ZNF486: variants seen among roughly 807,000 people sequenced by gnomAD.
ZNF486 encodes KRAB box only protein 2.
A neutral mutation model predicts 12.8 loss-of-function variants in ZNF486; 12 were observed. That is an observed-to-expected ratio of 0.94 (90% CI 0.60 to 1.52). The LOEUF is 1.52. Among genes scored for constraint, ZNF486 ranks in the 40% most tolerant of loss-of-function variants. The pLI is 0.00. For synonymous variants in ZNF486, 231 were observed against 184.9 expected, an observed-to-expected ratio of 1.25 and a Z score of -2.02; for missense variants, 738 against 545.0, an observed-to-expected ratio of 1.35 and a Z score of -3.53.
At chr19:20,184,572 C>G in intron 2 of ZNF486, 90 bp downstream of exon 2, 5 of 1,371,498 alleles carry the variant, frequency 3.6e-6, no homozygotes, top group Non-Finnish European at 4.8e-6. Context: ...TTATCCTTTG[C>G]ATAAAAGAGT....
chr19:20,176,234 C>G (rs553574737), intron 1 of ZNF486: 1 of 192,700 alleles, frequency 5.2e-6, no homozygotes, highest in Non-Finnish European at 1.1e-5. Context: ...GATGGGCGGC[C>G]GGGCAGAGAC....
At chr19:20,173,436 A>G (rs2089671663) in intron 1 of ZNF486, among the ~76,000 whole-genome samples, 1 of 152,114 alleles carries the variant, frequency 6.6e-6, no homozygotes, top group Non-Finnish European at 1.5e-5. Flanking sequence ...TGGATTTTAT[A>G]TAACATCTTT....
rs1451644561 is a variant in ZNF486, at chr19:20,198,493, GTAA to G, written c.*392_*394del. On this transcript the variant is annotated 3_prime_UTR_variant, in exon 4 of 4. Coordinates refer to ENST00000335117, the MANE Select transcript of ZNF486 (RefSeq NM_052852.4). ...CAAGTGTGAAGAATGTGGCAAGCCT[GTAA>G]CAAGTTCTCAATTCTTTTATTTTTA... 1.0e-5 allele frequency: 2 copies of G among 193,778 alleles called. No individual in the cohort carries two copies. Among genetic ancestry groups the G allele is most frequent in the African/African-American group, 4.7e-5 (2 of 42,146 alleles). The allele number at this position is 193,778 out of a possible 1,614,324, so 12.0% of individuals were successfully genotyped here.
rs920100457 is a variant in ZNF486 at position 20,194,873 on chromosome 19, G to A, written c.254-2091G>A. Reference sequence around the variant, plus strand: ...GTGTTTGTTATAAATATATTTGTGTGTATCTAAGTTTGTTCATTCAGCTTT... The same window carrying A: ...GTGTTTGTTATAAATATATTTGTGTATATCTAAGTTTGTTCATTCAGCTTT... On this transcript the variant is annotated intron_variant, in intron 3 of 3. Coordinates refer to ENST00000335117, the MANE Select transcript of ZNF486 (RefSeq NM_052852.4). Among the ~76,000 whole-genome samples the A allele has an allele frequency of 2.6e-5, 4 of 151,958 alleles. No homozygotes were observed. In the East Asian group the frequency reaches 5.8e-4, roughly 22 times the overall value.
chr19:20,186,010 C>G lies in ZNF486; in HGVS notation c.181C>G (p.Leu61Val). 6.3e-7 allele frequency: 1 copy of G among 1,583,990 alleles called. No individual in the cohort carries two copies. The change falls in exon 3 of 4, where the codon CTG becomes GTG. Residue 61 changes from leucine to valine, a missense_variant. Physicochemically the swap from Leu to Val is conservative, Grantham distance 32. Coordinates refer to ENST00000335117, the MANE Select transcript of ZNF486 (RefSeq NM_052852.4). Reference sequence around the variant, plus strand: ...AGGTATTATTGTCTCTAAGCCAGACCTGATCACCTGTCTGGAGCAAGGAAT... The same window carrying G: ...AGGTATTATTGTCTCTAAGCCAGACGTGATCACCTGTCTGGAGCAAGGAAT... ...FLGIIVSKPD[L>V]ITCLEQGIKP...
chr19:20,178,824 GACTCCTGTATCTTCAGACTTGAA>G, intron 1 of ZNF486, among the ~76,000 whole-genome samples: 1 of 152,278 alleles, frequency 6.6e-6, no homozygotes, highest in Non-Finnish European at 1.5e-5. Flanking sequence ...CTCTTTCAAT[GACTCCTGTATCTTCAGACTTGAA>G]ACAGATTCAG....
chr19:20,198,303 A>G lies in ZNF486; in HGVS notation c.*201A>G. 3.7e-6 allele frequency: 2 copies of G among 542,858 alleles called. No homozygotes were observed. Among genetic ancestry groups the G allele is most frequent in the South Asian group, 2.4e-5 (1 of 42,024 alleles). The allele number at this position is 542,858 out of a possible 1,614,324, so 33.6% of individuals were successfully genotyped here. A position where few individuals can be genotyped will look rare whatever the true frequency, so the allele number is the denominator to read the frequency against. Reference sequence around the variant, plus strand: ...TTTTTAGTAGAGATGGGGTTTCTCCATGTTGGTCAGGCTGGTCTCAATCTC... The same window carrying G: ...TTTTTAGTAGAGATGGGGTTTCTCCGTGTTGGTCAGGCTGGTCTCAATCTC... On this transcript the variant is annotated 3_prime_UTR_variant, in exon 4 of 4. Coordinates refer to ENST00000335117, the MANE Select transcript of ZNF486 (RefSeq NM_052852.4).
chr19:20,167,919 T>C (rs1308000416), intron 1 of ZNF486, among the ~76,000 whole-genome samples: 2 of 152,106 alleles, frequency 1.3e-5, no homozygotes, highest in Admixed American at 6.6e-5. Flanking sequence ...CCCTACCCCT[T>C]TTTCTCCCTT....
At chr19:20,196,519 G>T (rs2089959883) in intron 3 of ZNF486, among the ~76,000 whole-genome samples, 1 of 152,066 alleles carries the variant, frequency 6.6e-6, no homozygotes, top group Admixed American at 6.5e-5. Context: ...TAGTAGAGAT[G>T]GGGTTTCACC....
At chr19:20,190,466 C>T (rs1202994198) in intron 3 of ZNF486, among the ~76,000 whole-genome samples, 1 of 152,146 alleles carries the variant, frequency 6.6e-6, no homozygotes, top group African/African-American at 2.4e-5. Flanking sequence ...CTCACTATAG[C>T]CTCAGCCTCC....
chr19:20,180,985 A>T (rs1555715447), intron 1 of ZNF486, among the ~76,000 whole-genome samples: 1 of 152,176 alleles, frequency 6.6e-6, no homozygotes, highest in Admixed American at 6.5e-5. Context: ...GAACTCTGGG[A>T]TTTAAGTTTC....
chr19:20,194,458 G>T (rs1219285912), intron 3 of ZNF486, among the ~76,000 whole-genome samples: 1 of 152,158 alleles, frequency 6.6e-6, no homozygotes, highest in Non-Finnish European at 1.5e-5. Context: ...CGGTTGTGGT[G>T]GCTCACGTCT....
chr19:20,177,881 G>A (rs577438875), intron 1 of ZNF486, among the ~76,000 whole-genome samples: 3 of 149,314 alleles, frequency 2.0e-5, no homozygotes, highest in East Asian at 2.0e-4. Flanking sequence ...CAGCCAAAAC[G>A]TTTTCTTTCT....
intron 3 of ZNF486, among the ~76,000 whole-genome samples, chr19:20,195,915 G>T (rs782105816): frequency 2.8e-4 from 42 of 151,918 alleles, no homozygotes; most frequent in Non-Finnish European, 5.9e-5. Context: ...TTATGTCATG[G>T]GACACATTAT....
At chr19:20,187,749 C>T (rs11880914) in intron 3 of ZNF486, among the ~76,000 whole-genome samples, 1,951 of 152,050 alleles carry the variant, frequency 0.013, 45 homozygotes, top group African/African-American at 0.044. Context: ...GTGATCCATC[C>T]GCCTCGGCCT....
At position 20,184,401 on chromosome 19, in the gene ZNF486, G is replaced by C. The variant is rs1555716024; in HGVS notation, c.76G>C (p.Glu26Gln). The C allele has an allele frequency of 1.9e-6, 3 of 1,613,586 alleles. No homozygotes were observed. ...RDVAVEFSLE[E>Q]WHCLDTAQQN... ...TGTGGCTGTAGAATTCTCTCTGGAG[G>C]AGTGGCATTGCCTGGACACTGCACA... Residue 26 changes from glutamate to glutamine, a missense_variant, in exon 2 of 4, where the codon GAG becomes CAG. Physicochemically the swap from Glu to Gln is conservative, Grantham distance 29 (BLOSUM62 2). Transcript: ENST00000335117.
At chr19:20,195,026 T>C (rs527261931) in intron 3 of ZNF486, among the ~76,000 whole-genome samples, 3 of 152,250 alleles carry the variant, frequency 2.0e-5, no homozygotes, top group East Asian at 1.9e-4. Context: ...ATTTTTTTCT[T>C]ATACAGAGTC....
chr19:20,178,085 G>A (rs1302119636), intron 1 of ZNF486, among the ~76,000 whole-genome samples: 1 of 145,170 alleles, frequency 6.9e-6, no homozygotes, highest in Admixed American at 7.2e-5. Context: ...CACCAGGCCC[G>A]GCTAATTTTT....
Position 20,199,296 on chromosome 19 carries a change from T to C in ZNF486, c.*1194T>C, listed in dbSNP as rs2089991470. On this transcript the variant is annotated 3_prime_UTR_variant, in exon 4 of 4. Transcript: ENST00000335117. ...AAATATAAAGAGGTTTGTAGTACCT[T>C]TGCTTGTATTACAGATCTTATTGCC... 1 of 152,182 alleles carries C rather than the reference T, an allele frequency of 6.6e-6. No individual in the cohort carries two copies. Among genetic ancestry groups the C allele is most frequent in the Non-Finnish European group, 1.5e-5 (1 of 68,024 alleles). The allele number at this position is 152,182 out of a possible 1,614,324, so 9.4% of individuals were successfully genotyped here.
Sources: allele counts gnomAD v4.1 joint callset (sites outside exome capture counted in the v4.1 genomes callset), GRCh38; gene constraint gnomAD v4.1.1; transcripts MANE v1.5; gene names NCBI Gene and HGNC (gene_info 2026-07-23, HGNC 2026-07-21).